DOCK7: variants seen among roughly 807,000 people sequenced by gnomAD.
DOCK7 encodes dedicator of cytokinesis protein 7.
In DOCK7, 138 loss-of-function variants were observed where a neutral mutation model predicts 271.0. That is an observed-to-expected ratio of 0.51 (90% CI 0.44 to 0.59). The LOEUF is 0.59. Among genes scored for constraint, DOCK7 ranks in the 20% least tolerant of loss-of-function variants. DOCK7 has a pLI of 0.00. For synonymous variants in DOCK7, 823 were observed against 876.1 expected, an observed-to-expected ratio of 0.94 and a Z score of 1.07; for missense variants, 2,066 against 2,592.4, an observed-to-expected ratio of 0.80 and a Z score of 4.41.
chr1:62,662,967 T>C, intron 2 of DOCK7, 58 bp downstream of exon 2: 2 of 1,379,014 alleles, frequency 1.5e-6, no homozygotes, highest in South Asian at 2.5e-5. Context: ...CCACTATTTT[T>C]TCATGGCCTA....
Position 62,455,011 on chromosome 1 carries a change from T to C in DOCK7, c.*403A>G, listed in dbSNP as rs1645308183. 1 of 396,382 alleles carries C rather than the reference T, an allele frequency of 2.5e-6. No individual in the cohort carries two copies. The highest frequency in any genetic ancestry group is 8.3e-5 in the South Asian group (1 of 12,012). 24.6% of individuals were successfully genotyped at this position (396,382 alleles called of 1,614,324 possible). Reference sequence around the variant, plus strand: ...AATTTTGAAGTCCCACTCGGTAAAATTAGTGTAAACATTCACATATTTAAT... The same window carrying C: ...AATTTTGAAGTCCCACTCGGTAAAACTAGTGTAAACATTCACATATTTAAT... On this transcript the variant is annotated 3_prime_UTR_variant, in exon 50 of 50. Transcript: ENST00000635253.
intron 1 of DOCK7, among the ~76,000 whole-genome samples, chr1:62,686,553 A>C (rs1383699004): frequency 2.0e-5 from 3 of 152,192 alleles, no homozygotes; most frequent in Non-Finnish European, 2.9e-5. Context: ...AAAAAAAAAA[A>C]ATTTCCTGTC....
chr1:62,457,971 C>G (rs976514895), intron 48 of DOCK7: 1 of 322,178 alleles, frequency 3.1e-6, no homozygotes, highest in African/African-American at 2.1e-5. Flanking sequence ...GACAACATGG[C>G]AAAACCTCGT....
At chr1:62,589,553 G>A (rs1243765132) in intron 14 of DOCK7, among the ~76,000 whole-genome samples, 2 of 151,034 alleles carry the variant, frequency 1.3e-5, no homozygotes, top group African/African-American at 2.4e-5. Flanking sequence ...AAACCACAAC[G>A]TGAGCATTCA....
chr1:62,534,098 A>T (rs1282733463), intron 29 of DOCK7, among the ~76,000 whole-genome samples: 3 of 151,924 alleles, frequency 2.0e-5, no homozygotes, highest in African/African-American at 7.2e-5. Context: ...TCCCGGATTC[A>T]AGCAGTTCTC....
intron 22 of DOCK7, among the ~76,000 whole-genome samples, chr1:62,547,460 C>T (rs972826907): frequency 9.2e-5 from 14 of 152,098 alleles, no homozygotes; most frequent in Non-Finnish European, 1.6e-4. Context: ...TCTTCCCTTA[C>T]ATATAGATAA....
chr1:62,548,737 A>C (rs1483673624), intron 22 of DOCK7, among the ~76,000 whole-genome samples: 1 of 152,144 alleles, frequency 6.6e-6, no homozygotes, highest in Non-Finnish European at 1.5e-5. Context: ...TAAGTCTTTA[A>C]AGCAACATTC....
chr1:62,499,051 C>T (rs779535056), intron 37 of DOCK7, among the ~76,000 whole-genome samples: 5 of 152,180 alleles, frequency 3.3e-5, no homozygotes, highest in Admixed American at 6.5e-5. Flanking sequence ...ATCCACCTGC[C>T]TCGGCCTCCC....
rs1464053798 is a variant in DOCK7 at position 62,578,730 on chromosome 1, A to AC, written c.2010+97_2010+98insG. 1.9e-4 allele frequency: 193 copies of AC among 1,013,786 alleles called. 1 individual carries two copies. Among genetic ancestry groups the AC allele is most frequent in the Non-Finnish European group, 2.4e-4 (181 of 740,316 alleles). The allele number at this position is 1,013,786 out of a possible 1,614,324, so 62.8% of individuals were successfully genotyped here. A position where few individuals can be genotyped will look rare whatever the true frequency, so the allele number is the denominator to read the frequency against. On this transcript the variant is annotated intron_variant, in intron 17 of 49. Coordinates refer to ENST00000635253, the MANE Select transcript of DOCK7 (RefSeq NM_001367561.1). Reference sequence around the variant, plus strand: ...GAGACTCTGTCTCAAAAAAAAAAAAAAAAAAAAAACCCACAAATGACCAGA... The same window carrying AC: ...GAGACTCTGTCTCAAAAAAAAAAAAACAAAAAAAAACCCACAAATGACCAGA...
At chr1:62,662,213 AG>A (rs972811375) in intron 2 of DOCK7, among the ~76,000 whole-genome samples, 1 of 152,114 alleles carries the variant, frequency 6.6e-6, no homozygotes, top group Non-Finnish European at 1.5e-5. Context: ...AGACAAATGG[AG>A]GTATGTTTTT....
At chr1:62,608,743 A>G (rs1290974407) in intron 14 of DOCK7, 1 of 152,156 alleles carries the variant, frequency 6.6e-6, no homozygotes, top group African/African-American at 2.4e-5. Flanking sequence ...TCTCATTATG[A>G]GGTAATCTAG....
At chr1:62,501,208 G>A (rs1296702358) in intron 37 of DOCK7, among the ~76,000 whole-genome samples, 1 of 152,048 alleles carries the variant, frequency 6.6e-6, no homozygotes, top group Non-Finnish European at 1.5e-5. Context: ...AAAACACTTG[G>A]AGAATATTAC....
chr1:62,618,927 G>T, intron 13 of DOCK7, 59 bp from the exon 14 acceptor site: 1 of 1,483,336 alleles, frequency 6.7e-7, no homozygotes, highest in Non-Finnish European at 9.2e-7. Context: ...CGTTAAACAT[G>T]TTTTTTAAAG....
At chr1:62,687,876 G>C (rs1467721799) in intron 1 of DOCK7, among the ~76,000 whole-genome samples, 1 of 152,076 alleles carries the variant, frequency 6.6e-6, no homozygotes, top group East Asian at 1.9e-4. Context: ...CCGGGGGTGG[G>C]AACACAAAGA....
At chr1:62,666,165 AAAAT>A (rs1015024544) in intron 1 of DOCK7, among the ~76,000 whole-genome samples, 4 of 152,170 alleles carry the variant, frequency 2.6e-5, no homozygotes, top group Non-Finnish European at 4.4e-5. Context: ...CTCTGTCACA[AAAAT>A]AAATAAATAA....
intron 7 of DOCK7, chr1:62,641,418 T>C (rs1460641803): frequency 2.5e-6 from 1 of 402,046 alleles, no homozygotes; most frequent in East Asian, 7.2e-5. Context: ...TCAAACATCT[T>C]GAGGTGGTCC....
At chr1:62,492,117 G>A (rs1371582713) in intron 41 of DOCK7, among the ~76,000 whole-genome samples, 1 of 151,982 alleles carries the variant, frequency 6.6e-6, no homozygotes, top group African/African-American at 2.4e-5. Context: ...TACCCAGGAG[G>A]CTGAGGTGGG....
At chr1:62,638,983 G>A (rs1226474405) in intron 7 of DOCK7, among the ~76,000 whole-genome samples, 1 of 151,814 alleles carries the variant, frequency 6.6e-6, no homozygotes, top group African/African-American at 2.4e-5. Flanking sequence ...GCATTCATTT[G>A]GCAAAATATT....
At chr1:62,604,599 T>C in intron 14 of DOCK7, 1 of 1,596,004 alleles carries the variant, frequency 6.3e-7, no homozygotes, top group Non-Finnish European at 8.6e-7. Context: ...CATACGAGTC[T>C]GTACCCATTA....
Sources: allele counts gnomAD v4.1 joint callset (sites outside exome capture counted in the v4.1 genomes callset), GRCh38; gene constraint gnomAD v4.1.1; transcripts MANE v1.5; gene names NCBI Gene and HGNC (gene_info 2026-07-23, HGNC 2026-07-21).